The following BCAS3 variants were observed in gnomAD, a reference collection of about 807,000 sequenced individuals.
The protein encoded by BCAS3 is BCAS3 microtubule associated cell migration factor.
In BCAS3, 53 loss-of-function variants were observed where a neutral mutation model predicts 116.1. The ratio of observed to expected loss-of-function variants is 0.46; its 90% CI spans 0.37 to 0.57. The LOEUF (loss-of-function observed/expected upper bound fraction) is 0.57, where lower values mean the gene tolerates loss of function less well. Ranked by LOEUF, BCAS3 falls within the 20% of genes least tolerant of loss-of-function variation. The pLI, the probability that BCAS3 is intolerant of heterozygous loss-of-function variation, is 0.00. For synonymous variants in BCAS3, 391 were observed against 408.2 expected, an observed-to-expected ratio of 0.96 and a Z score of 0.51; for missense variants, 917 against 1,165.4, an observed-to-expected ratio of 0.79 and a Z score of 3.10.
chr17:60,844,097 G>A (rs2052260485), intron 7 of BCAS3, among the ~76,000 whole-genome samples: 1 of 152,176 alleles, frequency 6.6e-6, no homozygotes, highest in Non-Finnish European at 1.5e-5. Context: ...AGCCTCCCGA[G>A]TAGCTGGGAT....
At chr17:60,953,945 G>T (rs1428949676) in intron 14 of BCAS3, among the ~76,000 whole-genome samples, 1 of 152,040 alleles carries the variant, frequency 6.6e-6, no homozygotes, top group African/African-American at 2.4e-5. Context: ...TATTGGCCAG[G>T]CTGGTCTCGA....
In BCAS3 at chr17:61,084,909, A is replaced by C. The variant is rs189438091; in HGVS notation, c.2425+345A>C. On this transcript the variant is annotated intron_variant, in intron 22 of 23. Transcript: ENST00000407086. This position sits in a 1 kb window ranked among gnomAD's most constrained non-coding sequence, Gnocchi z 5.5. The stretch of plus-strand genomic sequence containing the variant: ...TAAATACAATCTATGGATTCAATTT[A>C]CTCAACCTGTTGAGTATCAAAGTGC... 6.6e-6 allele frequency among the ~76,000 whole-genome samples: 1 copy of C among 152,346 alleles called. No homozygotes were observed. The highest frequency in any genetic ancestry group is 1.9e-4 in the East Asian group (1 of 5,190).
rs1216494525 is a variant in BCAS3, at chr17:60,785,270, T to A, written c.404-22734T>A. On this transcript the variant is annotated intron_variant, in intron 6 of 23. Coordinates refer to ENST00000407086, the MANE Select transcript of BCAS3 (RefSeq NM_017679.5). ...ACCTCCCAGGGTCAAGTGATTCTTGTGCTCCATCCTCCTGAGTGGCTGGGA... is the reference window on the plus strand; with the variant it reads ...ACCTCCCAGGGTCAAGTGATTCTTGAGCTCCATCCTCCTGAGTGGCTGGGA... Among the ~76,000 whole-genome samples, 4 of 152,268 alleles carry A rather than the reference T, an allele frequency of 2.6e-5. No individual in the cohort carries two copies. In the East Asian group the frequency reaches 7.7e-4, roughly 29 times the overall value.
chr17:60,950,792 A>T (rs2060790367), intron 14 of BCAS3, among the ~76,000 whole-genome samples: 1 of 152,014 alleles, frequency 6.6e-6, no homozygotes, highest in Admixed American at 6.6e-5. Flanking sequence ...TCATGTTAAC[A>T]TTCTCTATAT....
Position 61,226,010 on chromosome 17 carries a change from C to T in BCAS3, c.2425+141446C>T, listed in dbSNP as rs2082352965. ...ACTTTTGTAAATTGCCTGCTTTTCC[C>T]CTGTCATCTGCTAATTCCAATTTGA... On this transcript the variant is annotated intron_variant, in intron 22 of 23. Transcript: ENST00000407086. This position sits in a 1 kb window ranked among gnomAD's most constrained non-coding sequence, Gnocchi z 6.0. Among the ~76,000 whole-genome samples, 1 of 152,118 alleles carries T rather than the reference C, an allele frequency of 6.6e-6. No homozygotes were observed. Among genetic ancestry groups the T allele is most frequent in the African/African-American group, 2.4e-5 (1 of 41,414 alleles).
intron 22 of BCAS3, among the ~76,000 whole-genome samples, chr17:61,191,117 C>T (rs986017227): frequency 5.3e-5 from 8 of 151,834 alleles, no homozygotes; most frequent in Non-Finnish European, 1.0e-4. Flanking sequence ...GAGACTCTGT[C>T]TCTACAAAAA....
chr17:60,792,460 G>T (rs2046860461), intron 6 of BCAS3, among the ~76,000 whole-genome samples: 2 of 152,234 alleles, frequency 1.3e-5, no homozygotes, highest in African/African-American at 2.4e-5. Flanking sequence ...AGTGTGAGCA[G>T]AGCACAGCCT....
intron 7 of BCAS3, chr17:60,811,004 C>G: frequency 1.5e-6 from 1 of 664,718 alleles, no homozygotes. Flanking sequence ...GAGAGCACCA[C>G]AGTGGTCACC....
chr17:61,086,765 G>T lies in BCAS3; in HGVS notation c.2425+2201G>T, dbSNP rs893730711. The stretch of plus-strand genomic sequence containing the variant: ...ACAACCAAAACAGTGAAACATGTGT[G>T]CTGCCTTCTTTAACTTTGAGCTAAA... On this transcript the variant is annotated intron_variant, in intron 22 of 23. Transcript: ENST00000407086. 6 of 985,322 alleles carry T rather than the reference G, an allele frequency of 6.1e-6. No homozygotes were observed. In the East Asian group the frequency reaches 6.8e-4, roughly 112 times the overall value. 61.0% of individuals were successfully genotyped at this position (985,322 alleles called of 1,614,324 possible). A position where few individuals can be genotyped will look rare whatever the true frequency, so the allele number is the denominator to read the frequency against.
rs1049753320 is a variant in BCAS3, at chr17:61,224,150, T to C, written c.2425+139586T>C. ...TTTTTATTTTTATGCTTTATCTTTA[T>C]TATTTTCCCATTGATTTATAAGAGA... On this transcript the variant is annotated intron_variant, in intron 22 of 23. Coordinates refer to ENST00000407086, the MANE Select transcript of BCAS3 (RefSeq NM_017679.5). The surrounding 1 kb of genome is among the most constrained non-coding windows in gnomAD (Gnocchi z 5.7). Among the ~76,000 whole-genome samples, 1 of 152,276 alleles carries C rather than the reference T, an allele frequency of 6.6e-6. No individual in the cohort carries two copies. The highest frequency in any genetic ancestry group is 2.4e-5 in the African/African-American group (1 of 41,472).
intron 22 of BCAS3, among the ~76,000 whole-genome samples, chr17:61,267,615 T>C (rs2049849125): frequency 1.4e-5 from 2 of 145,194 alleles, no homozygotes; most frequent in Admixed American, 1.4e-4. Context: ...TGTGTGCCTG[T>C]AATCCTCCTG....
intron 22 of BCAS3, among the ~76,000 whole-genome samples, chr17:61,359,552 TGCC>T (rs2058342013): frequency 6.6e-6 from 1 of 150,838 alleles, no homozygotes; most frequent in Admixed American, 6.6e-5. Flanking sequence ...TGGAGTGCGG[TGCC>T]GCGGATCTCA....
At chr17:61,353,036 G>A (rs928800208) in intron 22 of BCAS3, among the ~76,000 whole-genome samples, 1 of 152,210 alleles carries the variant, frequency 6.6e-6, no homozygotes, top group African/African-American at 2.4e-5. Flanking sequence ...TGACCTCATG[G>A]GGTGGGGAGA....
intron 6 of BCAS3, among the ~76,000 whole-genome samples, chr17:60,751,820 G>A (rs1337968676): frequency 6.6e-6 from 1 of 152,122 alleles, no homozygotes; most frequent in Non-Finnish European, 1.5e-5. Flanking sequence ...TGGGATTACA[G>A]GTGTGAGCCA....
At chr17:60,689,593 G>A (rs2034546200) in intron 3 of BCAS3, 93 bp from the exon 4 acceptor site, 2 of 807,464 alleles carry the variant, frequency 2.5e-6, no homozygotes, top group Admixed American at 4.6e-5. Flanking sequence ...AGTTGGAGAG[G>A]TATAGTGTTG....
At chr17:61,163,997 C>CA (rs71148384) in intron 22 of BCAS3, among the ~76,000 whole-genome samples, 85,961 of 112,312 alleles carry the variant, frequency 0.77, 32,116 homozygotes, top group South Asian at 0.9. Flanking sequence ...AACTCCATCT[C>CA]AAAAAAAAAA....
At chr17:61,035,132 C>T (rs971003403) in intron 17 of BCAS3, among the ~76,000 whole-genome samples, 5 of 152,088 alleles carry the variant, frequency 3.3e-5, no homozygotes, top group African/African-American at 7.2e-5. Flanking sequence ...AGAGGAAAAG[C>T]GTCATTGTCC....
chr17:60,999,889 TAG>T (rs2064122981), intron 15 of BCAS3, among the ~76,000 whole-genome samples: 1 of 152,200 alleles, frequency 6.6e-6, no homozygotes, highest in Non-Finnish European at 1.5e-5. Context: ...GACGTATTTC[TAG>T]GTATTTTATG....
rs2048762214 is a variant in BCAS3 at position 60,811,021 on chromosome 17, T to A, written c.476+2945T>A. ...GAGCACCACAGTGGTCACCATGCAG[T>A]CTGCCGAGGTTGGAGCTGCTGCGTT... is the stretch of plus-strand genomic sequence containing the variant. On this transcript the variant is annotated intron_variant, in intron 7 of 23. Transcript: ENST00000407086. 3 of 657,832 alleles carry A rather than the reference T, an allele frequency of 4.6e-6. 1 individual carries two copies. Among genetic ancestry groups the A allele is most frequent in the South Asian group, 2.9e-5 (2 of 68,836 alleles). The allele number at this position is 657,832 out of a possible 1,614,324, so 40.7% of individuals were successfully genotyped here. A position where few individuals can be genotyped will look rare whatever the true frequency, so the allele number is the denominator to read the frequency against.
Sources: gnomAD v4.1 joint callset for allele counts (sites outside exome capture counted in the v4.1 genomes callset) on GRCh38, gnomAD v4.1.1 for gene constraint, Gnocchi (gnomAD v3.1) non-coding constraint, MANE v1.5 for transcripts, NCBI Gene and HGNC (gene_info 2026-07-23, HGNC 2026-07-21) for gene names.